Variants in TEAD1 observed in about 807,000 individuals in gnomAD.
TEAD1 encodes the protein transcriptional enhancer factor TEF-1.
Under a neutral mutation model 54.9 loss-of-function variants are expected in TEAD1, and 9 were observed. The observed-to-expected ratio is 0.16, with a 90% CI of 0.10 to 0.29. The LOEUF is 0.29. Ranked by LOEUF, TEAD1 falls within the 10% of genes least tolerant of loss-of-function variation. The pLI is 1.00. For missense variants in TEAD1, 387 were observed against 535.9 expected, an observed-to-expected ratio of 0.72 and a Z score of 2.74; for synonymous variants, 200 against 187.8, an observed-to-expected ratio of 1.07 and a Z score of -0.53.
At chr11:12,850,522 A>G (rs1306961785) in intron 3 of TEAD1, among the ~76,000 whole-genome samples, 1 of 152,200 alleles carries the variant, frequency 6.6e-6, no homozygotes, top group Non-Finnish European at 1.5e-5. Flanking sequence ...GCAGCCCTCT[A>G]GAGTAGGAAC....
chr11:12,782,919 G>A (rs1945588432), intron 3 of TEAD1, among the ~76,000 whole-genome samples: 1 of 152,168 alleles, frequency 6.6e-6, no homozygotes, highest in Admixed American at 6.5e-5. Flanking sequence ...TGGTGCAAGA[G>A]CCTGATACCC....
chr11:12,708,663 C>G (rs1307119995), intron 2 of TEAD1, among the ~76,000 whole-genome samples: 1 of 152,078 alleles, frequency 6.6e-6, no homozygotes, highest in Non-Finnish European at 1.5e-5. Context: ...AAGGGTGTTC[C>G]TCCGCACCAT....
At chr11:12,814,341 T>C (rs1946369395) in intron 3 of TEAD1, among the ~76,000 whole-genome samples, 1 of 152,188 alleles carries the variant, frequency 6.6e-6, no homozygotes. Context: ...ACAGAGTTTG[T>C]TCCCTTTGAA....
At chr11:12,689,177 T>C (rs1332847736) in intron 2 of TEAD1, among the ~76,000 whole-genome samples, 2 of 152,196 alleles carry the variant, frequency 1.3e-5, no homozygotes, top group Non-Finnish European at 2.9e-5. Context: ...TCTGCTCTTA[T>C]CACTTTAAGA....
At chr11:12,700,259 T>A (rs1034682353) in intron 2 of TEAD1, among the ~76,000 whole-genome samples, 1 of 152,196 alleles carries the variant, frequency 6.6e-6, no homozygotes, top group Non-Finnish European at 1.5e-5. Flanking sequence ...GAATGGAATC[T>A]TCATTCATTT....
chr11:12,677,968 T>C (rs1943133027), intron 2 of TEAD1, among the ~76,000 whole-genome samples: 1 of 152,224 alleles, frequency 6.6e-6, no homozygotes, highest in African/African-American at 2.4e-5. Context: ...AATAACTGTA[T>C]GTATGATCTG....
chr11:12,693,920 C>T (rs1169693942), intron 2 of TEAD1, among the ~76,000 whole-genome samples: 2 of 152,186 alleles, frequency 1.3e-5, no homozygotes, highest in Non-Finnish European at 2.9e-5. Flanking sequence ...GCTATAGCCG[C>T]GTTGGTGGTT....
intron 3 of TEAD1, among the ~76,000 whole-genome samples, chr11:12,846,503 C>CTT (rs146989985): frequency 6.9e-6 from 1 of 145,868 alleles, no homozygotes; most frequent in Non-Finnish European, 1.5e-5. Context: ...TGGGCTCTGC[C>CTT]TTTTTTTTTT....
chr11:12,753,912 A>G (rs964021615), intron 2 of TEAD1, among the ~76,000 whole-genome samples: 2 of 152,146 alleles, frequency 1.3e-5, no homozygotes, highest in African/African-American at 4.8e-5. Flanking sequence ...ATTGTAAACT[A>G]TTGTGTGTGG....
chr11:12,794,856 A>T (rs1530188), intron 3 of TEAD1, among the ~76,000 whole-genome samples: 1 of 152,200 alleles, frequency 6.6e-6, no homozygotes, highest in East Asian at 1.9e-4. Flanking sequence ...AAGGGGGATG[A>T]TAACTCCCTG....
chr11:12,921,066 TAAAG>T (rs1184934894), intron 10 of TEAD1: 1 of 152,250 alleles, frequency 6.6e-6, no homozygotes, highest in African/African-American at 2.4e-5. Flanking sequence ...GTTTGTGTGA[TAAAG>T]GAGGAATGTA....
At chr11:12,889,437 C>T (rs1948153062) in intron 9 of TEAD1, among the ~76,000 whole-genome samples, 1 of 152,192 alleles carries the variant, frequency 6.6e-6, no homozygotes, top group African/African-American at 2.4e-5. Context: ...CCTGCCTGCT[C>T]AGACTGCCCG....
intron 3 of TEAD1, among the ~76,000 whole-genome samples, chr11:12,806,942 C>CA (rs1183127775): frequency 1.3e-5 from 2 of 151,120 alleles, no homozygotes; most frequent in African/African-American, 4.9e-5. Flanking sequence ...CTGTTTGGGG[C>CA]AAAAAAAATT....
chr11:12,744,524 A>G (rs1191250874), intron 2 of TEAD1, among the ~76,000 whole-genome samples: 2 of 152,306 alleles, frequency 1.3e-5, no homozygotes, highest in Non-Finnish European at 2.9e-5. Flanking sequence ...GCTGTAAGGA[A>G]TAATTAGTGT....
intron 3 of TEAD1, among the ~76,000 whole-genome samples, chr11:12,834,774 T>C (rs544055864): frequency 1.1e-4 from 16 of 151,750 alleles, no homozygotes; most frequent in African/African-American, 3.9e-4. Flanking sequence ...TTTTTTTTTT[T>C]TTTTCTTAAT....
At chr11:12,876,979 T>G (rs1947865064) in intron 5 of TEAD1, among the ~76,000 whole-genome samples, 1 of 152,212 alleles carries the variant, frequency 6.6e-6, no homozygotes, top group African/African-American at 2.4e-5. Flanking sequence ...TTTGTCAGTT[T>G]ATCATAAAAT....
At chr11:12,685,371 A>G (rs1160006645) in intron 2 of TEAD1, among the ~76,000 whole-genome samples, 3 of 152,204 alleles carry the variant, frequency 2.0e-5, no homozygotes, top group African/African-American at 7.2e-5. Flanking sequence ...AGTCTACTAA[A>G]ATTACTGAAT....
intron 3 of TEAD1, among the ~76,000 whole-genome samples, chr11:12,823,067 A>G (rs908300844): frequency 7.9e-5 from 12 of 152,122 alleles, no homozygotes; most frequent in Admixed American, 7.2e-4. Context: ...CTTGTCTTGC[A>G]GTTTCCATTC....
At chr11:12,929,163 C>CCTGTGTGTGTGT (rs751773582) in intron 11 of TEAD1, among the ~76,000 whole-genome samples, 1 of 106,726 alleles carries the variant, frequency 9.4e-6, no homozygotes, top group East Asian at 2.5e-4. Flanking sequence ...TTTGCTTTGC[C>CCTGTGTGTGTGT]GTGTGTGTGT....
Sources: gnomAD v4.1 joint callset for allele counts (sites outside exome capture counted in the v4.1 genomes callset) on GRCh38, gnomAD v4.1.1 for gene constraint, MANE v1.5 for transcripts, NCBI Gene and HGNC (gene_info 2026-07-23, HGNC 2026-07-21) for gene names.